The following JADE2 variants were observed in gnomAD, a reference collection of about 807,000 sequenced individuals.
JADE2 encodes jade family PHD finger 2.
JADE2 carries 13 observed loss-of-function variants against 85.7 expected under a neutral mutation model. The ratio of observed to expected loss-of-function variants is 0.15; its 90% CI spans 0.10 to 0.24. The LOEUF is 0.24. Among genes scored for constraint, JADE2 ranks in the 10% least tolerant of loss-of-function variants. The pLI, the probability that JADE2 is intolerant of heterozygous loss-of-function variation, is 1.00. For missense variants in JADE2, 846 were observed against 1,115.9 expected, an observed-to-expected ratio of 0.76 and a Z score of 3.45; for synonymous variants, 440 against 456.1, an observed-to-expected ratio of 0.96 and a Z score of 0.45.
intron 3 of JADE2, 151 bp downstream of exon 3, chr5:134,538,234 T>G: frequency 8.1e-6 from 5 of 615,650 alleles, no homozygotes; most frequent in Non-Finnish European, 1.5e-5. Context: ...GGGGCCAGTT[T>G]CCCTCAGCCT....
At chr5:134,573,954 C>T (rs974898882) in intron 10 of JADE2, 192 bp downstream of exon 10, 15 of 661,888 alleles carry the variant, frequency 2.3e-5, no homozygotes, top group East Asian at 5.5e-5. Context: ...CTGAGTTGTG[C>T]GTCACTAGGC....
intron 6 of JADE2, 126 bp downstream of exon 6, chr5:134,561,083 G>A: frequency 1.3e-6 from 1 of 783,916 alleles, no homozygotes; most frequent in Non-Finnish European, 2.1e-6. Context: ...GAAGGGAATG[G>A]TGAGGATGCT....
chr5:134,560,134 C>T, intron 5 of JADE2, 144 bp downstream of exon 5: 1 of 918,346 alleles, frequency 1.1e-6, no homozygotes, highest in South Asian at 1.6e-5. Context: ...TGAATGGGGA[C>T]CTCACTGGTT....
intron 10 of JADE2, chr5:134,575,766 A>C (rs1764324355): frequency 6.6e-6 from 1 of 151,766 alleles, no homozygotes; most frequent in African/African-American, 2.4e-5. Flanking sequence ...ATGGTGACAC[A>C]TGCCTGTATT....
intron 3 of JADE2, among the ~76,000 whole-genome samples, chr5:134,540,125 T>C (rs1761882061): frequency 6.6e-6 from 1 of 152,116 alleles, no homozygotes; most frequent in Non-Finnish European, 1.5e-5. Context: ...TGGGATGTGC[T>C]TAAGCGCAGC....
At chr5:134,535,827 G>T (rs772079628) in intron 1 of JADE2, 31 bp from the exon 2 acceptor site, 17 of 1,606,048 alleles carry the variant, frequency 1.1e-5, no homozygotes, top group Non-Finnish European at 1.4e-5. Flanking sequence ...CAAGCCATCC[G>T]TGAGTATAAT....
In JADE2 at chr5:134,559,840, C is replaced by T; in HGVS notation, c.322C>T (p.Pro108Ser). 6.2e-7 allele frequency: 1 copy of T among 1,610,144 alleles called. No individual in the cohort carries two copies. Among genetic ancestry groups the T allele is most frequent in the Non-Finnish European group, 8.5e-7 (1 of 1,178,484 alleles). ...GTCTTGATTTTCTAGGATCCTCCCA[C>T]CACTGGAAGGCCCCCCTGCCCAGGC... ...IPEPVVRILP[P>S]LEGPPAQASP... Residue 108 changes from proline to serine, a missense_variant, in exon 5 of 12, where the codon CCA (proline) becomes TCA (serine). Pro to Ser is a moderately conservative substitution (Grantham distance 74, BLOSUM62 -1). Transcript: ENST00000681547.
chr5:134,569,795 C>T (rs1670676015), intron 9 of JADE2, among the ~76,000 whole-genome samples: 2 of 152,180 alleles, frequency 1.3e-5, no homozygotes, highest in African/African-American at 2.4e-5. Context: ...TGGCCTCCCA[C>T]CAAAGCCAAC....
Position 134,566,066 on chromosome 5 carries a change from CT to C in JADE2, c.970-49del. ...GGGGGAAGCCCCTCTGTCTTCTCCC[CT>C]CCCACCAGGCTCCCTCCATGTCTGA... On this transcript the variant is annotated intron_variant, in intron 8 of 11. Transcript: ENST00000681547. This position sits in a 1 kb window ranked among gnomAD's most constrained non-coding sequence, Gnocchi z 6.7. The C allele has an allele frequency of 6.6e-7, 1 of 1,513,826 alleles. No homozygotes were observed. Among genetic ancestry groups the C allele is most frequent in the East Asian group, 2.3e-5 (1 of 44,320 alleles). The allele number at this position is 1,513,826 out of a possible 1,614,324, so 93.8% of individuals were successfully genotyped here. A position where few individuals can be genotyped will look rare whatever the true frequency, so the allele number is the denominator to read the frequency against.
intron 4 of JADE2, 128 bp from the exon 5 acceptor site, chr5:134,559,702 T>G (rs1395903759): frequency 1.2e-6 from 1 of 817,846 alleles, no homozygotes; most frequent in Non-Finnish European, 1.9e-6. Context: ...TGGAAGGAGG[T>G]GGGCCCTGTG....
rs143822708 is a variant in JADE2, at chr5:134,577,410, G to A, written c.1681+514G>A. Among the ~76,000 whole-genome samples, 519 of 152,336 alleles carry A rather than the reference G, an allele frequency of 3.4e-3. 1 individual carries two copies. The highest frequency in any genetic ancestry group is 5.7e-3 in the Non-Finnish European group (391 of 68,022). The stretch of plus-strand genomic sequence containing the variant: ...TGTTAGGCAGAGCAGCCTAATGGGA[G>A]CAGTGTGACTCATGGACCTCACGTG... On this transcript the variant is annotated intron_variant, in intron 11 of 11. Transcript: ENST00000681547.
chr5:134,527,705 C>T (rs973408898), intron 1 of JADE2, among the ~76,000 whole-genome samples: 7 of 151,082 alleles, frequency 4.6e-5, no homozygotes, highest in Non-Finnish European at 8.8e-5. Context: ...TGCGGTCCCG[C>T]GGACTGCCTC....
intron 3 of JADE2, among the ~76,000 whole-genome samples, chr5:134,538,308 A>C (rs1179218461): frequency 6.6e-6 from 1 of 152,224 alleles, no homozygotes; most frequent in African/African-American, 2.4e-5. Context: ...CAAGGATCTC[A>C]GACAGGGTAA....
chr5:134,573,512 G>A (rs536473420), intron 9 of JADE2, 133 bp from the exon 10 acceptor site: 13 of 724,274 alleles, frequency 1.8e-5, no homozygotes, highest in Non-Finnish European at 3.0e-5. Context: ...TTTTGCAGAT[G>A]TTCTGGGCAG....
At chr5:134,544,157 C>G (rs930248979) in intron 3 of JADE2, among the ~76,000 whole-genome samples, 1 of 152,194 alleles carries the variant, frequency 6.6e-6, no homozygotes, top group Non-Finnish European at 1.5e-5. Context: ...AGTCAGAGTC[C>G]CCAGAAGTCA....
intron 9 of JADE2, among the ~76,000 whole-genome samples, chr5:134,569,212 T>C (rs1763841180): frequency 1.3e-5 from 2 of 152,150 alleles, no homozygotes; most frequent in Admixed American, 1.3e-4. Flanking sequence ...CATTTGGCTC[T>C]TAGAAGAAGG....
chr5:134,542,435 C>CTTTTT (rs10568722), intron 3 of JADE2, among the ~76,000 whole-genome samples: 2 of 93,460 alleles, frequency 2.1e-5, no homozygotes, highest in African/African-American at 8.6e-5. Flanking sequence ...GTACCTATAC[C>CTTTTT]TTTTTTTTTT....
rs959987946 is a variant in JADE2, at chr5:134,552,353, T to C, written c.311+144T>C. The C allele has an allele frequency of 1.1e-5, 9 of 835,546 alleles. No individual in the cohort carries two copies. In the African/African-American group the frequency reaches 1.5e-4, roughly 14 times the overall value. 51.8% of individuals were successfully genotyped at this position (835,546 alleles called of 1,614,324 possible). On this transcript the variant is annotated intron_variant, in intron 4 of 11. Transcript: ENST00000681547. ...TTCCATTCCCTTTTCCAACAAACCATTGAAATGTTCCAGAAATACTGGTGG... is the reference window on the plus strand; with the variant it reads ...TTCCATTCCCTTTTCCAACAAACCACTGAAATGTTCCAGAAATACTGGTGG...
rs548118869 is a variant in JADE2, at chr5:134,560,889, C to T, written c.616C>T (p.Arg206Cys). Residue 206 changes from arginine to cysteine, a missense_variant, in exon 6 of 12, where the codon CGC (arginine) becomes TGC (cysteine). Physicochemically the swap from Arg to Cys is radical, Grantham distance 180. Around this residue, in one of 9 missense-constraint regions of JADE2, gnomAD observed 129 missense variants for 255.4 expected, o/e 0.51. Coordinates refer to ENST00000681547, the MANE Select transcript of JADE2 (RefSeq NM_001388185.1). ...CGAGGATGTTGTCTGCGACGTGTGT[C>T]GCTCTCCTGAGGGCGAGGATGGCAA... is the stretch of plus-strand genomic sequence containing the variant. ...YDEDVVCDVC[R>C]SPEGEDGNEM... 29 of 1,614,064 alleles carry T rather than the reference C, an allele frequency of 1.8e-5. No homozygotes were observed. The highest frequency in any genetic ancestry group is 2.7e-5 in the African/African-American group (2 of 74,928).
Sources: allele counts gnomAD v4.1 joint callset (sites outside exome capture counted in the v4.1 genomes callset), GRCh38; gene constraint gnomAD v4.1.1; regional missense constraint gnomAD v4.1.1; non-coding constraint Gnocchi (gnomAD v3.1); transcripts MANE v1.5; gene names NCBI Gene and HGNC (gene_info 2026-07-23, HGNC 2026-07-21).